ENOSF1: variants seen among roughly 807,000 people sequenced by gnomAD.
ENOSF1 encodes the protein enolase superfamily member 1, also known as mitochondrial enolase superfamily member 1.
A neutral mutation model predicts 68.2 loss-of-function variants in ENOSF1; 73 were observed. The observed-to-expected ratio is 1.07, with a 90% CI of 0.89 to 1.30. The LOEUF is 1.30. Ranked by LOEUF, ENOSF1 falls within the 50% of genes most tolerant of loss-of-function variation. The pLI, the probability that ENOSF1 is intolerant of heterozygous loss-of-function variation, is 0.00. For missense variants in ENOSF1, 589 were observed against 554.5 expected (o/e 1.06, Z -0.62); for synonymous variants, 223 against 210.4 (o/e 1.06, Z -0.52).
chr18:675,714 CAA>C (rs1425330851), intron 14 of ENOSF1, among the ~76,000 whole-genome samples: 1 of 152,134 alleles, frequency 6.6e-6, no homozygotes, highest in Non-Finnish European at 1.5e-5. Context: ...TTCCTCTGGT[CAA>C]AAGTCAGATG....
chr18:680,946 C>T (rs1354053895), intron 11 of ENOSF1, among the ~76,000 whole-genome samples: 1 of 151,342 alleles, frequency 6.6e-6, no homozygotes, highest in Admixed American at 6.6e-5. Context: ...CCTGGGTTCA[C>T]GCCATTCTCC....
At chr18:692,721 A>C in intron 5 of ENOSF1, 1 of 990,956 alleles carries the variant, frequency 1.0e-6, no homozygotes, top group Non-Finnish European at 1.2e-6. Flanking sequence ...GTGGCCTGCA[A>C]ATCATTCCCT....
Position 693,954 on chromosome 18 carries a change from C to T in ENOSF1, c.397-46G>A, listed in dbSNP as rs764070608. The stretch of plus-strand genomic sequence containing the variant: ...ATTTGTAAGACATATGTGTAAAGTC[C>T]CCATTTTTTCCTGACAGTAAACGCG... On this transcript the variant is annotated intron_variant, in intron 4 of 15. Transcript: ENST00000647584. 6 of 1,599,804 alleles carry T rather than the reference C, an allele frequency of 3.8e-6. No homozygotes were observed. The South Asian group carries it at 6.7e-5, about 18-fold the overall frequency.
chr18:678,603 G>T, intron 12 of ENOSF1, 93 bp downstream of exon 12: 1 of 1,252,312 alleles, frequency 8.0e-7, no homozygotes, highest in African/African-American at 1.5e-5. Context: ...TACAGCAGGT[G>T]ATGGAGCCTA....
chr18:665,750 T>C (rs2074805909), downstream of ENOSF1, among the ~76,000 whole-genome samples: 1 of 97,720 alleles, frequency 1.0e-5, no homozygotes, highest in South Asian at 3.3e-4. Context: ...ACATCTTTAT[T>C]TCTGCCTTCA....
chr18:683,806 T>C (rs1453814844), intron 10 of ENOSF1, among the ~76,000 whole-genome samples: 2 of 152,142 alleles, frequency 1.3e-5, no homozygotes, highest in Non-Finnish European at 2.9e-5. Flanking sequence ...TAGTCATTTA[T>C]TGACTATTGC....
intron 3 of ENOSF1, among the ~76,000 whole-genome samples, chr18:696,700 T>C (rs2077772630): frequency 6.6e-6 from 1 of 152,184 alleles, no homozygotes. Context: ...TTCAGCTAAA[T>C]TCAGTCTTGA....
At position 706,478 on chromosome 18, in the gene ENOSF1, G is replaced by C. The variant is rs145245848; in HGVS notation, c.185C>G (p.Thr62Ser). 1.9e-6 allele frequency: 3 copies of C among 1,611,484 alleles called. No homozygotes were observed. In the East Asian group the frequency reaches 6.7e-5, roughly 36 times the overall value. ...GAGAATCTTCAACTCACCAACTTCA[G>C]TGCCTTTTCCCAGAGTGAAGGTAAT... ...CGITFTLGKG[T>S]EVVVCAVNAL... The change falls in exon 2 of 16, where the codon ACT becomes AGT. Residue 62 changes from threonine to serine, a missense_variant. Transcript: ENST00000647584.
At chr18:710,137 C>T (rs892896936) in intron 1 of ENOSF1, among the ~76,000 whole-genome samples, 2 of 151,950 alleles carry the variant, frequency 1.3e-5, no homozygotes, top group African/African-American at 4.8e-5. Context: ...GAGACAGGGT[C>T]TCTCTCTCTC....
In ENOSF1 at chr18:673,261, G is replaced by C. The variant is rs2075151259; in HGVS notation, c.*1044C>G. 3.2e-6 allele frequency: 1 copy of C among 307,734 alleles called. No homozygotes were observed. The highest frequency in any genetic ancestry group is 6.0e-6 in the Non-Finnish European group (1 of 166,970). The allele number at this position is 307,734 out of a possible 1,614,324, so 19.1% of individuals were successfully genotyped here. A position where few individuals can be genotyped will look rare whatever the true frequency, so the allele number is the denominator to read the frequency against. On this transcript the variant is annotated 3_prime_UTR_variant, in exon 16 of 16. Transcript: ENST00000647584. The stretch of plus-strand genomic sequence containing the variant: ...ACAAAGTGAGGAGAATGAAATGTAT[G>C]TGCTCTTAGCAAAAACATGTATGTG...
chr18:698,846 T>G (rs1428171223), intron 2 of ENOSF1, among the ~76,000 whole-genome samples: 1 of 151,984 alleles, frequency 6.6e-6, no homozygotes, highest in Non-Finnish European at 1.5e-5. Context: ...GGTCTCGAGC[T>G]CCTGAGCTCA....
At chr18:677,979 GC>G in intron 12 of ENOSF1, 107 bp from the exon 13 acceptor site, 3 of 1,344,896 alleles carry the variant, frequency 2.2e-6, no homozygotes, top group Non-Finnish European at 3.0e-6. Flanking sequence ...TTCATCAGTG[GC>G]CGTCAGGAAG....
chr18:674,506 C>A, intron 15 of ENOSF1, 100 bp from the exon 16 acceptor site: 1 of 747,612 alleles, frequency 1.3e-6, no homozygotes. Context: ...TACGTCTAAG[C>A]CAGAGGCAAT....
At chr18:686,421 CTT>C (rs1389915134) in intron 9 of ENOSF1, 2 of 170,182 alleles carry the variant, frequency 1.2e-5, no homozygotes, top group African/African-American at 4.8e-5. Flanking sequence ...CAAAGGAGAG[CTT>C]TGTCTTGAAT....
chr18:677,822 C>G lies in ENOSF1; in HGVS notation c.969G>C (p.Gln323His), dbSNP rs1334901228. 3 of 1,614,210 alleles carry G rather than the reference C, an allele frequency of 1.9e-6. No individual in the cohort carries two copies. Among genetic ancestry groups the G allele is most frequent in the South Asian group, 1.1e-5 (1 of 91,084 alleles). ...FKQLLQAKAL[Q>H]FLQIDSCRLG... ...GTCTGCAACTGTCAATCTGGAGGAA[C>G]TGCAGGGCCTTCGCCTGTAGGAGTT... The change falls in exon 13 of 16, where the codon CAG (glutamine) becomes CAC (histidine). Residue 323 changes from glutamine (Q) to histidine (H), a missense_variant. Gln to His is a conservative substitution (Grantham distance 24). Transcript: ENST00000647584.
chr18:666,278 G>C (rs1361697002), downstream of ENOSF1, among the ~76,000 whole-genome samples: 3 of 151,664 alleles, frequency 2.0e-5, no homozygotes, highest in Admixed American at 2.0e-4. Flanking sequence ...TGGGACAAGG[G>C]ACAAAATGCC....
Position 678,697 on chromosome 18 carries a change from T to C in ENOSF1, c.917A>G (p.Gln306Arg). The change falls in exon 12 of 16, where the codon CAG becomes CGG. Residue 306 changes from glutamine (Q) to arginine (R), a missense_variant and splice_region_variant. Physicochemically the swap from Gln to Arg is conservative, Grantham distance 43. Transcript: ENST00000647584. ...CCACCTGTTGGGGGCGTCACTCACCTGTTCTCCTGTGGCAATGCCAATTCC... is the reference window on the plus strand; with the variant it reads ...CCACCTGTTGGGGGCGTCACTCACCCGTTCTCCTGTGGCAATGCCAATTCC... Reference protein sequence around the residue: ...PLGIGIATGEQCHNRVIFKQL... With the variant: ...PLGIGIATGERCHNRVIFKQL... The C allele has an allele frequency of 6.2e-7, 1 of 1,613,994 alleles. No homozygotes were observed. The highest frequency in any genetic ancestry group is 8.5e-7 in the Non-Finnish European group (1 of 1,180,006).
At chr18:712,297 C>G in intron 1 of ENOSF1, 2 of 1,516,942 alleles carry the variant, frequency 1.3e-6, no homozygotes, top group Non-Finnish European at 8.8e-7. Context: ...CGGGAAGCTG[C>G]CCGGGGCCCG....
intron 5 of ENOSF1, chr18:693,513 C>T: frequency 1.0e-6 from 1 of 985,340 alleles, no homozygotes; most frequent in Non-Finnish European, 1.2e-6. Flanking sequence ...TCTGGCTTTT[C>T]AGAGTTTATG....
Sources: gnomAD v4.1 joint callset for allele counts (sites outside exome capture counted in the v4.1 genomes callset) on GRCh38, gnomAD v4.1.1 for gene constraint, MANE v1.5 for transcripts, NCBI Gene and HGNC (gene_info 2026-07-23, HGNC 2026-07-21) for gene names.